BCAT1: variants seen among roughly 807,000 people sequenced by gnomAD.
The protein encoded by BCAT1 is branched-chain-amino-acid aminotransferase, cytosolic.
Under a neutral mutation model 52.4 loss-of-function variants are expected in BCAT1, and 48 were observed. The ratio of observed to expected loss-of-function variants is 0.92; its 90% confidence interval spans 0.73 to 1.16. The LOEUF (loss-of-function observed/expected upper bound fraction) is 1.16, where lower values mean the gene tolerates loss of function less well. Ranked by LOEUF, BCAT1 falls within the 50% of genes most tolerant of loss-of-function variation. The pLI is 0.00. For synonymous variants in BCAT1, 167 were observed against 161.3 expected, an observed-to-expected ratio of 1.04 and a Z score of -0.27; for missense variants, 451 against 457.1, an observed-to-expected ratio of 0.99 and a Z score of 0.12.
Position 24,894,015 on chromosome 12 carries a change from T to A in BCAT1, c.279+260A>T, listed in dbSNP as rs554342747. ...GTGCTGGCTTTTTAATTGCCAATTT[T>A]CCCACCAGCTGTCCTTTCTATTTGC... On this transcript the variant is annotated intron_variant, in intron 3 of 10. Coordinates refer to ENST00000261192, the MANE Select transcript of BCAT1 (RefSeq NM_005504.7). Among the ~76,000 whole-genome samples the A allele has an allele frequency of 3.9e-4, 59 of 152,368 alleles. No homozygotes were observed. The South Asian group carries it at 8.1e-3, about 21-fold the overall frequency.
chr12:24,824,145 A>C (rs935290748), intron 10 of BCAT1, among the ~76,000 whole-genome samples: 2 of 152,076 alleles, frequency 1.3e-5, no homozygotes, highest in Non-Finnish European at 2.9e-5. Context: ...CTTTATACCA[A>C]TTCAATAGAG....
At chr12:24,945,140 A>G (rs2242400) in intron 1 of BCAT1, among the ~76,000 whole-genome samples, 22,338 of 152,222 alleles carry the variant, frequency 0.15, 1,867 homozygotes, top group East Asian at 0.25. Context: ...AATTATAAGC[A>G]TAGTTGAAAC....
chr12:24,936,558 T>C (rs1565505951), intron 1 of BCAT1, among the ~76,000 whole-genome samples: 1 of 152,226 alleles, frequency 6.6e-6, no homozygotes. Flanking sequence ...CTTATGGTTC[T>C]GGAAGTTCCA....
At chr12:24,938,025 C>T (rs1192535264) in intron 1 of BCAT1, among the ~76,000 whole-genome samples, 1 of 152,094 alleles carries the variant, frequency 6.6e-6, no homozygotes, top group Non-Finnish European at 1.5e-5. Context: ...GGGAATGGGC[C>T]ATCCACATGC....
Position 24,849,913 on chromosome 12 carries a change from G to A in BCAT1, c.547C>T (p.Leu183Phe), listed in dbSNP as rs200941618. The change falls in exon 6 of 11, where the codon CTC becomes TTC. Residue 183 changes from leucine (L) to phenylalanine (F), a missense_variant. Physicochemically the swap from Leu to Phe is conservative, Grantham distance 22. Transcript: ENST00000261192. ...CCCACTGGGCTCAAGAGTACAAAGAGCAGGGCTTTGGTAGGCTTCTTGACT... is the reference window on the plus strand; with the variant it reads ...CCCACTGGGCTCAAGAGTACAAAGAACAGGGCTTTGGTAGGCTTCTTGACT... ...LGVKKPTKAL[L>F]FVLLSPVGPY... 2.6e-4 allele frequency: 427 copies of A among 1,612,764 alleles called. No homozygotes were observed. The highest frequency in any genetic ancestry group is 3.4e-4 in the Non-Finnish European group (405 of 1,179,146).
chr12:24,948,872 G>C, intron 1 of BCAT1, 55 bp downstream of exon 1: 6 of 1,566,340 alleles, frequency 3.8e-6, no homozygotes, highest in Non-Finnish European at 5.2e-6. Flanking sequence ...AGAAATCGCC[G>C]GTTCGATTCA....
At chr12:24,898,353 T>C (rs1295719886) in intron 2 of BCAT1, among the ~76,000 whole-genome samples, 1 of 152,074 alleles carries the variant, frequency 6.6e-6, no homozygotes, top group Non-Finnish European at 1.5e-5. Context: ...TAACTGATTG[T>C]GAAATGGCAA....
rs569070370 is a variant in BCAT1, at chr12:24,908,096, T to C, written c.7-6211A>G. 7.2e-5 allele frequency among the ~76,000 whole-genome samples: 11 copies of C among 152,334 alleles called. No individual in the cohort carries two copies. In the South Asian group the frequency reaches 2.3e-3, roughly 32 times the overall value. Reference sequence around the variant, plus strand: ...TTAACTGCCAAAGTTTAGAATATAATAGACTAACATGTTCTCAGGGTCCAC... The same window carrying C: ...TTAACTGCCAAAGTTTAGAATATAACAGACTAACATGTTCTCAGGGTCCAC... On this transcript the variant is annotated intron_variant, in intron 1 of 10. Transcript: ENST00000261192.
chr12:24,916,434 CAAAA>C (rs138576755), intron 1 of BCAT1, among the ~76,000 whole-genome samples: 1 of 151,632 alleles, frequency 6.6e-6, no homozygotes, highest in African/African-American at 2.4e-5. Context: ...CGGTTGCACT[CAAAA>C]AAAAGACATT....
intron 1 of BCAT1, among the ~76,000 whole-genome samples, chr12:24,916,901 GAATA>G (rs1219486220): frequency 6.6e-6 from 1 of 152,146 alleles, no homozygotes; most frequent in Non-Finnish European, 1.5e-5. Context: ...GAACACTAAT[GAATA>G]GTTTCCAAAT....
At position 24,817,236 on chromosome 12, in the gene BCAT1, T is replaced by C. The variant is rs1402040840; in HGVS notation, c.*772A>G. 6.6e-6 allele frequency: 1 copy of C among 152,164 alleles called. No homozygotes were observed. The highest frequency in any genetic ancestry group is 2.4e-5 in the African/African-American group (1 of 41,412). 9.4% of individuals were successfully genotyped at this position (152,164 alleles called of 1,614,324 possible). The stretch of plus-strand genomic sequence containing the variant: ...TTTCATAATATAGAAACAAAGAAGG[T>C]ACACTTCTATAGAAGCAAAATGTTC... On this transcript the variant is annotated 3_prime_UTR_variant, in exon 11 of 11. Transcript: ENST00000261192.
chr12:24,887,061 T>TAAAAAAAAAAAAAAAAAA (rs1171691492), intron 3 of BCAT1, among the ~76,000 whole-genome samples: 1 of 7,590 alleles, frequency 1.3e-4, no homozygotes, highest in African/African-American at 6.4e-4. Flanking sequence ...AGATGCTAGC[T>TAAAAAAAAAAAAAAAAAA]AAAAAAAAAA....
intron 5 of BCAT1, among the ~76,000 whole-genome samples, chr12:24,875,669 T>G (rs908556395): frequency 6.6e-6 from 1 of 152,208 alleles, no homozygotes; most frequent in Non-Finnish European, 1.5e-5. Context: ...CTCTGGAGCT[T>G]GGATTCCATA....
intron 3 of BCAT1, among the ~76,000 whole-genome samples, 186 bp from the exon 4 acceptor site, chr12:24,881,597 G>A (rs538469449): frequency 1.2e-4 from 19 of 152,206 alleles, no homozygotes; most frequent in Non-Finnish European, 2.6e-4. Context: ...AATGGTTGAG[G>A]TGGAGGAAAG....
chr12:24,898,952 T>C (rs115234244), intron 2 of BCAT1, among the ~76,000 whole-genome samples: 3,558 of 152,338 alleles, frequency 0.023, 119 homozygotes, highest in African/African-American at 0.081. Context: ...GCATTATTCT[T>C]ACTCCATTTG....
intron 1 of BCAT1, among the ~76,000 whole-genome samples, chr12:24,926,996 T>C (rs1323481162): frequency 6.6e-5 from 10 of 152,058 alleles, no homozygotes; most frequent in Non-Finnish European, 1.3e-4. Context: ...AAATCCTCAC[T>C]TGTATGTTAC....
intron 4 of BCAT1, among the ~76,000 whole-genome samples, chr12:24,879,473 T>C (rs2139593710): frequency 6.6e-6 from 1 of 152,320 alleles, no homozygotes; most frequent in South Asian, 2.1e-4. Flanking sequence ...TTCAGAGATG[T>C]GATGGGTCAC....
chr12:24,863,636 A>G (rs1046763733), intron 5 of BCAT1, among the ~76,000 whole-genome samples: 1 of 152,242 alleles, frequency 6.6e-6, no homozygotes, highest in African/African-American at 2.4e-5. Context: ...ACCCTTAGAA[A>G]GGCCATGCTT....
chr12:24,934,175 T>C (rs563932540), intron 1 of BCAT1, among the ~76,000 whole-genome samples: 1 of 152,356 alleles, frequency 6.6e-6, no homozygotes, highest in African/African-American at 2.4e-5. Flanking sequence ...TCTACCTAAG[T>C]GATTTCTTCT....
Sources: allele counts gnomAD v4.1 joint callset (sites outside exome capture counted in the v4.1 genomes callset), GRCh38; gene constraint gnomAD v4.1.1; transcripts MANE v1.5; gene names NCBI Gene and HGNC (gene_info 2026-07-23, HGNC 2026-07-21).